Variants in WIZ observed in about 807,000 individuals in gnomAD.
WIZ encodes protein Wiz.
A neutral mutation model predicts 140.2 loss-of-function variants in WIZ; 25 were observed. The ratio of observed to expected loss-of-function variants is 0.18; its 90% CI spans 0.13 to 0.25. WIZ has a LOEUF of 0.25. WIZ is among the 10% of genes least tolerant of loss of function. The pLI, the probability that WIZ is intolerant of heterozygous loss-of-function variation, is 1.00. For synonymous variants in WIZ, 1,125 were observed against 1,154.3 expected (o/e 0.97, Z 0.51); for missense variants, 2,231 against 2,632.6 (o/e 0.85, Z 3.34).
intron 1 of WIZ, among the ~76,000 whole-genome samples, chr19:15,448,767 C>G (rs1034040065): frequency 6.6e-6 from 1 of 152,128 alleles, no homozygotes; most frequent in African/African-American, 2.4e-5. Flanking sequence ...GCCATGCCTT[C>G]GTTTCCTCGG....
intron 5 of WIZ, among the ~76,000 whole-genome samples, chr19:15,434,363 C>T (rs1345823025): frequency 2.0e-5 from 3 of 151,520 alleles, no homozygotes; most frequent in Admixed American, 6.6e-5. Flanking sequence ...AGATCGAGAC[C>T]GTGCTGGCTA....
intron 1 of WIZ, 73 bp downstream of exon 1, chr19:15,449,725 C>T (rs1352454348): frequency 6.9e-6 from 1 of 145,504 alleles, no homozygotes; most frequent in Non-Finnish European, 1.5e-5. Flanking sequence ...TGGCCCGGCC[C>T]GGCCCGGGGC....
intron 5 of WIZ, among the ~76,000 whole-genome samples, chr19:15,433,758 G>A (rs1267017682): frequency 2.6e-5 from 4 of 152,208 alleles, no homozygotes; most frequent in Admixed American, 2.0e-4. Context: ...CAAGAAGCCT[G>A]AGGTCAAGTC....
In WIZ at chr19:15,427,163, A is replaced by G. The variant is rs1320796626; in HGVS notation, c.4185T>C (p.Pro1395=). 1.9e-6 allele frequency: 3 copies of G among 1,614,122 alleles called. No individual in the cohort carries two copies. Among genetic ancestry groups the G allele is most frequent in the Non-Finnish European group, 2.5e-6 (3 of 1,180,024 alleles). The change falls in exon 9 of 13, where the codon CCT becomes CCC. Residue 1395 remains proline (P), a synonymous_variant. Transcript: ENST00000673675. This position sits in a 1 kb window ranked among gnomAD's most constrained non-coding sequence, Gnocchi z 6.4. ...CTGGGAACATCTTTCGGGCCGTAGG[A>G]GGAGGAGAGGCAGTTGGTGAGTGGC... ...PLGHSPTASP[P]PTARKMFPGL...
Position 15,442,636 on chromosome 19 carries a change from C to A in WIZ, c.278+40G>T. On this transcript the variant is annotated intron_variant, in intron 3 of 12. Transcript: ENST00000673675. This position sits in a 1 kb window ranked among gnomAD's most constrained non-coding sequence, Gnocchi z 5.5. Reference sequence around the variant, plus strand: ...GAGGCCTGGGCATGTCCTGCTTGCCCCCCTGCCCTCCCTGAGGTCAGGGCC... The same window carrying A: ...GAGGCCTGGGCATGTCCTGCTTGCCACCCTGCCCTCCCTGAGGTCAGGGCC... 1 of 1,220,688 alleles carries A rather than the reference C, an allele frequency of 8.2e-7. No individual in the cohort carries two copies. The highest frequency in any genetic ancestry group is 4.2e-5 in the South Asian group (1 of 24,086). 75.6% of individuals were successfully genotyped at this position (1,220,688 alleles called of 1,614,324 possible).
intron 2 of WIZ, among the ~76,000 whole-genome samples, chr19:15,443,095 G>A (rs559416888): frequency 4.6e-5 from 7 of 152,178 alleles, no homozygotes; most frequent in African/African-American, 1.2e-4. Flanking sequence ...TTTTTGAGAC[G>A]GAGTCTTGCT....
At position 15,440,135 on chromosome 19, in the gene WIZ, C is replaced by T. The variant is rs764300974; in HGVS notation, c.859G>A (p.Gly287Arg). The T allele has an allele frequency of 2.8e-5, 43 of 1,532,434 alleles. No homozygotes were observed. The African/African-American group carries it at 3.2e-4, about 11-fold the overall frequency. 94.9% of individuals were successfully genotyped at this position (1,532,434 alleles called of 1,614,324 possible). A position where few individuals can be genotyped will look rare whatever the true frequency, so the allele number is the denominator to read the frequency against. Reference protein sequence around the residue: ...LQPLLPPIRTGPYLCELLEEV... With the variant: ...LQPLLPPIRTRPYLCELLEEV... ...TCCAGCAGCTCACACAGGTAGGGCC[C>T]GGTCCGGATCGGGGGCAGTAGCGGC... The change falls in exon 4 of 13, where the codon GGG becomes AGG. Residue 287 changes from glycine (G) to arginine (R), a missense_variant. Transcript: ENST00000673675. The surrounding 1 kb of genome is among the most constrained non-coding windows in gnomAD (Gnocchi z 6.2).
chr19:15,425,207 T>A, intron 10 of WIZ, 34 bp downstream of exon 10: 1 of 1,553,422 alleles, frequency 6.4e-7, no homozygotes. Context: ...GCCCTGGCGG[T>A]CGCCCTCCCA....
Position 15,429,624 on chromosome 19 carries a change from T to C in WIZ, c.3377A>G (p.Gln1126Arg). The part of the protein sequence containing the change: ...LSPRPASPKA[Q>R]WPQSEDEGPL... Reference sequence around the variant, plus strand: ...CCCCTCATCCTCAGACTGAGGCCACTGTGCCTTTGGGGAGGCCGGCCGGGG... The same window carrying C: ...CCCCTCATCCTCAGACTGAGGCCACCGTGCCTTTGGGGAGGCCGGCCGGGG... The change falls in exon 7 of 13, where the codon CAG becomes CGG. Residue 1126 changes from glutamine to arginine, a missense_variant. Gln to Arg is a conservative substitution (Grantham distance 43). This residue lies in a region of WIZ where 163 missense variants were observed against 166.8 expected (regional missense o/e 0.98). Coordinates refer to ENST00000673675, the MANE Select transcript of WIZ (RefSeq NM_001371589.1). 2 of 1,414,228 alleles carry C rather than the reference T, an allele frequency of 1.4e-6. No homozygotes were observed. Among genetic ancestry groups the C allele is most frequent in the Non-Finnish European group, 1.8e-6 (2 of 1,086,966 alleles). 87.6% of individuals were successfully genotyped at this position (1,414,228 alleles called of 1,614,324 possible).
chr19:15,432,763 C>T (rs1350131397), intron 5 of WIZ, among the ~76,000 whole-genome samples: 1 of 151,542 alleles, frequency 6.6e-6, no homozygotes, highest in Non-Finnish European at 1.5e-5. Context: ...GCGCCGAGTG[C>T]CGAGTGCCGC....
rs1969544411 is a variant in WIZ, at chr19:15,437,060, C to T, written c.2486G>A (p.Arg829Gln). The T allele has an allele frequency of 2.5e-6, 4 of 1,613,010 alleles. No individual in the cohort carries two copies. The highest frequency in any genetic ancestry group is 2.2e-5 in the East Asian group (1 of 44,808). Residue 829 changes from arginine to glutamine, a missense_variant, in exon 5 of 13, where the codon CGG (arginine) becomes CAG (glutamine). Transcript: ENST00000673675. ...CDFCGAGFDT[R>Q]AGLSSHARAH... Reference sequence around the variant, plus strand: ...CCGGGCGTGGCTGGAGAGGCCGGCCCGTGTGTCGAAGCCAGCCCCGCAGAA... The same window carrying T: ...CCGGGCGTGGCTGGAGAGGCCGGCCTGTGTGTCGAAGCCAGCCCCGCAGAA...
At chr19:15,448,057 G>A (rs756680201) in intron 2 of WIZ, 46 bp downstream of exon 2, 8 of 1,604,000 alleles carry the variant, frequency 5.0e-6, no homozygotes, top group Non-Finnish European at 6.0e-6. Flanking sequence ...GAGCCTTGGG[G>A]AATGGGCTGG....
chr19:15,425,375 T>C lies in WIZ; in HGVS notation c.4760A>G (p.Tyr1587Cys). The C allele has an allele frequency of 5.1e-6, 8 of 1,557,354 alleles. No homozygotes were observed. The highest frequency in any genetic ancestry group is 6.1e-6 in the Non-Finnish European group (7 of 1,150,584). Residue 1587 changes from tyrosine to cysteine, a missense_variant, in exon 10 of 13, where the codon TAC (tyrosine) becomes TGC (cysteine). Tyr to Cys is a radical substitution (Grantham distance 194, BLOSUM62 -2). Transcript: ENST00000673675. Reference protein sequence around the residue: ...ITGAKPSATGYLGSVAAKRPL... With the variant: ...ITGAKPSATGCLGSVAAKRPL... ...CCGCTTGGCTGCCACTGAGCCCAGG[T>C]AGCCAGTGGCTGAGGGCTTGGCCCC...
At chr19:15,431,296 A>C in intron 5 of WIZ, 114 bp from the exon 6 acceptor site, 1 of 1,305,996 alleles carries the variant, frequency 7.7e-7, no homozygotes, top group Non-Finnish European at 1.0e-6. Flanking sequence ...CTGCGAAGCG[A>C]CTCACCCCAG....
Position 15,420,359 on chromosome 19 carries a change from T to G in WIZ, c.*2717A>C, listed in dbSNP as rs1968324072. The G allele has an allele frequency of 6.6e-6, 1 of 152,240 alleles. No homozygotes were observed. Among genetic ancestry groups the G allele is most frequent in the East Asian group, 1.9e-4 (1 of 5,204 alleles). 9.4% of individuals were successfully genotyped at this position (152,240 alleles called of 1,614,324 possible). On this transcript the variant is annotated 3_prime_UTR_variant, in exon 13 of 13. Transcript: ENST00000673675. Reference sequence around the variant, plus strand: ...ACGGAACAAAGCCACTTCTGATGTGTTAAGTGAGCAAACTCCAAACATGAA... The same window carrying G: ...ACGGAACAAAGCCACTTCTGATGTGGTAAGTGAGCAAACTCCAAACATGAA...
chr19:15,430,156 C>T, intron 6 of WIZ, 67 bp from the exon 7 acceptor site: 1 of 1,443,382 alleles, frequency 6.9e-7, no homozygotes, highest in East Asian at 2.5e-5. Flanking sequence ...CCCGCTTCTC[C>T]TCCCCTGAGA....
rs1968337815 is a variant in WIZ, at chr19:15,420,752, T to C, written c.*2324A>G. ...ACTGCATGATTGGTGGGGAGGAACT[T>C]GCCATATGACTTTATAAGCTCTTGT... On this transcript the variant is annotated 3_prime_UTR_variant, in exon 13 of 13. Coordinates refer to ENST00000673675, the MANE Select transcript of WIZ (RefSeq NM_001371589.1). 1 of 152,238 alleles carries C rather than the reference T, an allele frequency of 6.6e-6. No individual in the cohort carries two copies. The highest frequency in any genetic ancestry group is 6.5e-5 in the Admixed American group (1 of 15,284). 9.4% of individuals were successfully genotyped at this position (152,238 alleles called of 1,614,324 possible). A position where few individuals can be genotyped will look rare whatever the true frequency, so the allele number is the denominator to read the frequency against.
Position 15,423,074 on chromosome 19 carries a change from T to C in WIZ, c.*2A>G, listed in dbSNP as rs200535815. 13 of 1,610,962 alleles carry C rather than the reference T, an allele frequency of 8.1e-6. No homozygotes were observed. The highest frequency in any genetic ancestry group is 8.5e-7 in the Non-Finnish European group (1 of 1,179,256). ...CGAGAGGGGATCTGGAATGCTTTTG[T>C]GTTAGGGAGCCTCTGCCGCCGCTGT... is the stretch of plus-strand genomic sequence containing the variant. On this transcript the variant is annotated 3_prime_UTR_variant, in exon 13 of 13. Coordinates refer to ENST00000673675, the MANE Select transcript of WIZ (RefSeq NM_001371589.1).
In WIZ at chr19:15,422,865, C is replaced by T; in HGVS notation, c.*211G>A. 4 of 665,618 alleles carry T rather than the reference C, an allele frequency of 6.0e-6. No homozygotes were observed. Among genetic ancestry groups the T allele is most frequent in the East Asian group, 5.7e-5 (2 of 34,938 alleles). 41.2% of individuals were successfully genotyped at this position (665,618 alleles called of 1,614,324 possible). On this transcript the variant is annotated 3_prime_UTR_variant, in exon 13 of 13. Coordinates refer to ENST00000673675, the MANE Select transcript of WIZ (RefSeq NM_001371589.1). The stretch of plus-strand genomic sequence containing the variant: ...GTGGGCATGGGCTGAAGGAAGACAC[C>T]CTGTGGCCCCAGAGTCCTCGGGCTG...
Sources: allele counts gnomAD v4.1 joint callset (sites outside exome capture counted in the v4.1 genomes callset), GRCh38; gene constraint gnomAD v4.1.1; regional missense constraint gnomAD v4.1.1; non-coding constraint Gnocchi (gnomAD v3.1); transcripts MANE v1.5; gene names NCBI Gene and HGNC (gene_info 2026-07-23, HGNC 2026-07-21).